MUSK: variants seen among roughly 807,000 people sequenced by gnomAD.
MUSK encodes the protein muscle, skeletal receptor tyrosine-protein kinase.
A neutral mutation model predicts 88.7 loss-of-function variants in MUSK; 55 were observed. That is an observed-to-expected ratio of 0.62 (90% CI 0.50 to 0.78). The LOEUF (loss-of-function observed/expected upper bound fraction) is 0.78, where lower values mean the gene tolerates loss of function less well. Among genes scored for constraint, MUSK ranks in the 30% least tolerant of loss-of-function variants. The pLI is 0.00. For missense variants in MUSK, 1,015 were observed against 1,074.3 expected, an observed-to-expected ratio of 0.94 and a Z score of 0.77; for synonymous variants, 387 against 391.9, an observed-to-expected ratio of 0.99 and a Z score of 0.15.
Position 110,686,443 on chromosome 9 carries a change from A to T in MUSK, c.207-674A>T, listed in dbSNP as rs552334661. On this transcript the variant is annotated intron_variant, in intron 2 of 14. Coordinates refer to ENST00000374448, the MANE Select transcript of MUSK (RefSeq NM_005592.4). ...TCTGCTTACCACACGCATTTGGCAT[A>T]AAAAAACTCTTATTTGGTTAAAAGA... Among the ~76,000 whole-genome samples, 22 of 152,238 alleles carry T rather than the reference A, an allele frequency of 1.4e-4. No homozygotes were observed. The East Asian group carries it at 3.7e-3, about 25-fold the overall frequency.
intron 6 of MUSK, 31 bp downstream of exon 6, chr9:110,734,406 G>A (rs2077002970): frequency 6.2e-7 from 1 of 1,612,598 alleles, no homozygotes; most frequent in South Asian, 1.1e-5. Context: ...GACTTGTCTG[G>A]GGAAGACCCA....
At chr9:110,690,538 ATAAATATATATT>A (rs1433462320) in intron 3 of MUSK, among the ~76,000 whole-genome samples, 5 of 94,262 alleles carry the variant, frequency 5.3e-5, no homozygotes, top group Non-Finnish European at 7.2e-5. Context: ...AAGTATATAT[ATAAATATATATT>A]TAAATATAAG....
In MUSK at chr9:110,800,522, A is replaced by G. The variant is rs1450059228; in HGVS notation, c.2144A>G (p.Tyr715Cys). Residue 715 changes from tyrosine to cysteine, a missense_variant, in exon 15 of 15, where the codon TAC (tyrosine) becomes TGC (cysteine). By Grantham distance (194) the Tyr-to-Cys change is radical. Coordinates refer to ENST00000374448, the MANE Select transcript of MUSK (RefSeq NM_005592.4). ...IARQVAAGMAYLSERKFVHRD... is the reference protein window; with the variant it reads ...IARQVAAGMACLSERKFVHRD... The stretch of plus-strand genomic sequence containing the variant: ...AGGCAGGTGGCAGCTGGCATGGCTT[A>G]CCTCTCAGAACGTAAGTTTGTTCAC... 6.2e-7 allele frequency: 1 copy of G among 1,613,720 alleles called. No homozygotes were observed. Among genetic ancestry groups the G allele is most frequent in the Non-Finnish European group, 8.5e-7 (1 of 1,179,830 alleles).
At chr9:110,790,158 T>G (rs989603133) in intron 14 of MUSK, among the ~76,000 whole-genome samples, 1 of 152,224 alleles carries the variant, frequency 6.6e-6, no homozygotes, top group Admixed American at 6.5e-5. Context: ...AAAGTGAGCA[T>G]GTCATATGCA....
At chr9:110,734,098 C>A (rs558737251) in intron 5 of MUSK, among the ~76,000 whole-genome samples, 153 bp from the exon 6 acceptor site, 1 of 152,150 alleles carries the variant, frequency 6.6e-6, no homozygotes, top group South Asian at 2.1e-4. Context: ...GGCTTGGAGG[C>A]TCGGCCATGG....
intron 1 of MUSK, among the ~76,000 whole-genome samples, chr9:110,672,526 A>C (rs1404563428): frequency 6.6e-6 from 1 of 152,134 alleles, no homozygotes; most frequent in Non-Finnish European, 1.5e-5. Context: ...AGAACTAGAG[A>C]GTAAAGGAGT....
At chr9:110,677,693 A>T (rs2131636650) in intron 1 of MUSK, among the ~76,000 whole-genome samples, 1 of 152,252 alleles carries the variant, frequency 6.6e-6, no homozygotes, top group Non-Finnish European at 1.5e-5. Context: ...TCATCCTGTG[A>T]ATGTGTGTGA....
chr9:110,765,084 T>A (rs887784645), intron 8 of MUSK, among the ~76,000 whole-genome samples: 1 of 152,182 alleles, frequency 6.6e-6, no homozygotes, highest in African/African-American at 2.4e-5. Flanking sequence ...TCCAGTTTTT[T>A]AAAAAAGTGT....
In MUSK at chr9:110,739,069, C is replaced by T. The variant is rs570266077; in HGVS notation, c.753+4694C>T. ...ACCATTGGACTCTGTCTTCTTTGTTCCTTCCATTGGAGCTGCCAGACATCC... is the reference window on the plus strand; with the variant it reads ...ACCATTGGACTCTGTCTTCTTTGTTTCTTCCATTGGAGCTGCCAGACATCC... On this transcript the variant is annotated intron_variant, in intron 6 of 14. Coordinates refer to ENST00000374448, the MANE Select transcript of MUSK (RefSeq NM_005592.4). Among the ~76,000 whole-genome samples, 3 of 152,182 alleles carry T rather than the reference C, an allele frequency of 2.0e-5. No homozygotes were observed. The East Asian group carries it at 5.8e-4, about 30-fold the overall frequency.
chr9:110,766,050 G>A (rs1267803301), intron 8 of MUSK, among the ~76,000 whole-genome samples: 1 of 152,144 alleles, frequency 6.6e-6, no homozygotes, highest in Non-Finnish European at 1.5e-5. Flanking sequence ...CAGGCAAGAG[G>A]TAGGATCCCT....
At chr9:110,785,831 C>A in intron 13 of MUSK, 113 bp downstream of exon 13, 2 of 476,328 alleles carry the variant, frequency 4.2e-6, no homozygotes, top group Non-Finnish European at 7.1e-6. Context: ...TATACACACA[C>A]ATATATATAT....
chr9:110,768,449 T>C (rs565030588), intron 9 of MUSK, among the ~76,000 whole-genome samples: 4 of 152,120 alleles, frequency 2.6e-5, no homozygotes, highest in Non-Finnish European at 5.9e-5. Context: ...TGAGCCGAGA[T>C]TGCACCACTG....
At chr9:110,752,223 T>C (rs1050310793) in intron 7 of MUSK, among the ~76,000 whole-genome samples, 1 of 152,184 alleles carries the variant, frequency 6.6e-6, no homozygotes, top group Non-Finnish European at 1.5e-5. Flanking sequence ...TTAGACCTGC[T>C]AGAAGCCCCA....
intron 3 of MUSK, among the ~76,000 whole-genome samples, chr9:110,693,811 A>G (rs2076390549): frequency 6.6e-6 from 1 of 152,152 alleles, no homozygotes; most frequent in Non-Finnish European, 1.5e-5. Flanking sequence ...CAGGGAACCT[A>G]TGGAAGGCAT....
Position 110,732,542 on chromosome 9 carries a change from CT to C in MUSK, c.629-1708del, listed in dbSNP as rs762838061. On this transcript the variant is annotated intron_variant, in intron 5 of 14. Transcript: ENST00000374448. ...TGGATCACTCTTTCTTTTTTACCCC[CT>C]AATGCTAATGATTTTCCCTGTTAAA... Among the ~76,000 whole-genome samples the C allele has an allele frequency of 1.1e-4, 16 of 152,132 alleles. 1 individual carries two copies. Among genetic ancestry groups the C allele is most frequent in the South Asian group, 4.1e-4 (2 of 4,822 alleles).
intron 5 of MUSK, among the ~76,000 whole-genome samples, chr9:110,708,923 CAT>C (rs1423262642): frequency 6.6e-6 from 1 of 152,140 alleles, no homozygotes; most frequent in African/African-American, 2.4e-5. Flanking sequence ...ACCTGAAATA[CAT>C]ATACTCTAAT....
Position 110,806,417 on chromosome 9 carries a change from G to A in MUSK, c.*5429G>A, listed in dbSNP as rs912162991. ...CAGTCAACTATACACCTATTTCTAC[G>A]CTGTCAACTATATGTTCATTTCTAT... On this transcript the variant is annotated 3_prime_UTR_variant, in exon 15 of 15. Coordinates refer to ENST00000374448, the MANE Select transcript of MUSK (RefSeq NM_005592.4). 7.9e-5 allele frequency among the ~76,000 whole-genome samples: 12 copies of A among 152,056 alleles called. No individual in the cohort carries two copies. The highest frequency in any genetic ancestry group is 2.1e-4 in the South Asian group (1 of 4,804).
At chr9:110,738,043 T>TTCA (rs2077050669) in intron 6 of MUSK, among the ~76,000 whole-genome samples, 1 of 152,176 alleles carries the variant, frequency 6.6e-6, no homozygotes, top group African/African-American at 2.4e-5. Context: ...CAGCCCCTGC[T>TTCA]ATCTGAAGTT....
At chr9:110,751,465 G>C (rs2077246690) in intron 7 of MUSK, among the ~76,000 whole-genome samples, 1 of 152,160 alleles carries the variant, frequency 6.6e-6, no homozygotes, top group Admixed American at 6.5e-5. Flanking sequence ...ATTTGCATGG[G>C]GGAAGGGATG....
Sources: gnomAD v4.1 joint callset for allele counts (sites outside exome capture counted in the v4.1 genomes callset) on GRCh38, gnomAD v4.1.1 for gene constraint, MANE v1.5 for transcripts, NCBI Gene and HGNC (gene_info 2026-07-23, HGNC 2026-07-21) for gene names.